Variants in ZFP14 observed in about 807,000 individuals in gnomAD.
ZFP14 encodes zinc finger protein 14 homolog.
ZFP14 carries 22 observed loss-of-function variants against 54.5 expected under a neutral mutation model. That is an observed-to-expected ratio of 0.40 (90% CI 0.29 to 0.58). The LOEUF (loss-of-function observed/expected upper bound fraction) is 0.58. ZFP14 is among the 20% of genes least tolerant of loss of function. The probability of loss-of-function intolerance (pLI) is 0.39; values close to 1 mark genes in which losing one functional copy is unlikely to be tolerated. For synonymous variants in ZFP14, 159 were observed against 204.0 expected (o/e 0.78, Z 1.88); for missense variants, 470 against 637.8 (o/e 0.74, Z 2.83).
At position 36,364,678 on chromosome 19, in the gene ZFP14, A is replaced by G. The variant is rs150157586; in HGVS notation, c.10-2440T>C. Among the ~76,000 whole-genome samples, 1,267 of 152,300 alleles carry G rather than the reference A, an allele frequency of 8.3e-3. 21 individuals are homozygous for G. Among genetic ancestry groups the G allele is most frequent in the African/African-American group, 0.029 (1,199 of 41,562 alleles). The stretch of plus-strand genomic sequence containing the variant: ...AATCCACCTAAAAGCCTTACATAGT[A>G]TAGGGTCTCAACATACATAAAAACT... On this transcript the variant is annotated intron_variant, in intron 2 of 4. Transcript: ENST00000270001.
chr19:36,372,546 T>A (rs2031895547), intron 1 of ZFP14, among the ~76,000 whole-genome samples: 1 of 152,110 alleles, frequency 6.6e-6, no homozygotes, highest in African/African-American at 2.4e-5. Context: ...AAGATTGAAT[T>A]ATGAAGAAAT....
At chr19:36,356,185 A>C (rs2031610552) in intron 4 of ZFP14, among the ~76,000 whole-genome samples, 3 of 151,618 alleles carry the variant, frequency 2.0e-5, no homozygotes, top group Admixed American at 6.6e-5. Context: ...CTCTAATCCT[A>C]GCACTTTGGG....
Position 36,338,637 on chromosome 19 carries a change from C to CA in ZFP14, c.*1586dup, listed in dbSNP as rs2031250623. 6.6e-6 allele frequency: 1 copy of CA among 151,992 alleles called. No homozygotes were observed. Among genetic ancestry groups the CA allele is most frequent in the African/African-American group, 2.4e-5 (1 of 41,394 alleles). 9.4% of individuals were successfully genotyped at this position (151,992 alleles called of 1,614,324 possible). A position where few individuals can be genotyped will look rare whatever the true frequency, so the allele number is the denominator to read the frequency against. On this transcript the variant is annotated 3_prime_UTR_variant, in exon 5 of 5. Coordinates refer to ENST00000270001, the MANE Select transcript of ZFP14 (RefSeq NM_020917.3). ...TGGGGGACAAAGTGACACCCTGTCT[C>CA]AAAAAAATTATACATTGGTGCTCTA...
rs577317515 is a variant in ZFP14 at position 36,334,557 on chromosome 19, G to A, written c.*5667C>T. 200 of 152,090 alleles carry A rather than the reference G, an allele frequency of 1.3e-3. 2 individuals are homozygous for A. The highest frequency in any genetic ancestry group is 4.7e-3 in the African/African-American group (195 of 41,462). 9.4% of individuals were successfully genotyped at this position (152,090 alleles called of 1,614,324 possible). A position where few individuals can be genotyped will look rare whatever the true frequency, so the allele number is the denominator to read the frequency against. On this transcript the variant is annotated 3_prime_UTR_variant, in exon 5 of 5. Transcript: ENST00000270001. ...GTTTAACACAAACATATCAAGGATC[G>A]GGCTGGAATCTTTTCCATTCTATAG...
chr19:36,347,539 G>A (rs1025431734), intron 4 of ZFP14, among the ~76,000 whole-genome samples: 2 of 151,922 alleles, frequency 1.3e-5, no homozygotes, highest in Non-Finnish European at 2.9e-5. Context: ...AACCCAGGAG[G>A]CAGAGGTTGC....
chr19:36,365,725 A>C (rs1331667715), intron 2 of ZFP14, among the ~76,000 whole-genome samples: 1 of 152,138 alleles, frequency 6.6e-6, no homozygotes, highest in Non-Finnish European at 1.5e-5. Context: ...TTGGGAGGCT[A>C]AAGTGGGAGA....
rs546877639 is a variant in ZFP14 at position 36,359,608 on chromosome 19, T to C, written c.235+827A>G. ...TTAAAATTTCATTTAAGTTATCAAA[T>C]TTATTGGCATAAAGTAATTCATGGC... On this transcript the variant is annotated intron_variant, in intron 4 of 4. Transcript: ENST00000270001. Among the ~76,000 whole-genome samples the C allele has an allele frequency of 1.1e-3, 162 of 152,310 alleles. 2 individuals are homozygous for C. Among genetic ancestry groups the C allele is most frequent in the African/African-American group, 3.8e-3 (156 of 41,566 alleles).
Position 36,341,333 on chromosome 19 carries a change from C to T in ZFP14, c.493G>A (p.Val165Ile), listed in dbSNP as rs555415825. Residue 165 changes from valine (V) to isoleucine (I), a missense_variant, in exon 5 of 5, where the codon GTT becomes ATT. Transcript: ENST00000270001. The surrounding 1 kb of genome is among the most constrained non-coding windows in gnomAD (Gnocchi z 4.2). Reference protein sequence around the residue: ...RHNFLTEYQIVHNGEKVYECK... With the variant: ...RHNFLTEYQIIHNGEKVYECK... ...TCATACACCTTTTCTCCATTATGAACGATCTGATACTCAGTAAGAAAATTG... is the reference window on the plus strand; with the variant it reads ...TCATACACCTTTTCTCCATTATGAATGATCTGATACTCAGTAAGAAAATTG... 2.1e-5 allele frequency: 34 copies of T among 1,614,164 alleles called. No homozygotes were observed. The East Asian group carries it at 4.2e-4, about 20-fold the overall frequency.
At chr19:36,359,935 G>A (rs8112508) in intron 4 of ZFP14, among the ~76,000 whole-genome samples, 2,788 of 152,216 alleles carry the variant, frequency 0.018, 53 homozygotes, top group African/African-American at 0.062. Context: ...GATTACCAGA[G>A]TGAGCCACCA....
Position 36,339,971 on chromosome 19 carries a change from C to G in ZFP14, c.*253G>C, listed in dbSNP as rs900337544. ...TTAGTATCTTGTCCAATAAATCAAA[C>G]TGGTAATCAAGTGGAGAAAGGGAGA... On this transcript the variant is annotated 3_prime_UTR_variant, in exon 5 of 5. Transcript: ENST00000270001. 5.8e-6 allele frequency: 2 copies of G among 345,462 alleles called. No homozygotes were observed. The highest frequency in any genetic ancestry group is 4.2e-5 in the African/African-American group (2 of 47,228). 21.4% of individuals were successfully genotyped at this position (345,462 alleles called of 1,614,324 possible).
chr19:36,361,982 C>A (rs1450552110), intron 3 of ZFP14, 130 bp downstream of exon 3: 1 of 1,081,784 alleles, frequency 9.2e-7, no homozygotes, highest in Non-Finnish European at 1.3e-6. Context: ...AATGGAGAGG[C>A]CTAGTTCCAA....
In ZFP14 at chr19:36,336,491, G is replaced by A. The variant is rs1189760082; in HGVS notation, c.*3733C>T. 1 of 151,988 alleles carries A rather than the reference G, an allele frequency of 6.6e-6. No homozygotes were observed. The highest frequency in any genetic ancestry group is 3.1e-3 in the Middle Eastern group (1 of 318). The allele number at this position is 151,988 out of a possible 1,614,324, so 9.4% of individuals were successfully genotyped here. On this transcript the variant is annotated 3_prime_UTR_variant, in exon 5 of 5. Coordinates refer to ENST00000270001, the MANE Select transcript of ZFP14 (RefSeq NM_020917.3). ...CGACCTCAGGTGATCCACCTGCCAT[G>A]GCCTCCCAAAGTGCTGGGATTACAG...
At position 36,353,775 on chromosome 19, in the gene ZFP14, A is replaced by T. The variant is rs2031568339; in HGVS notation, c.235+6660T>A. Reference sequence around the variant, plus strand: ...AGCAGCTTTCTACTACACTTAAAATAAAAAAAAGTCAGATGCAGCTGAGTG... The same window carrying T: ...AGCAGCTTTCTACTACACTTAAAATTAAAAAAAGTCAGATGCAGCTGAGTG... On this transcript the variant is annotated intron_variant, in intron 4 of 4. Transcript: ENST00000270001. Among the ~76,000 whole-genome samples the T allele has an allele frequency of 2.1e-5, 3 of 139,698 alleles. 1 individual carries two copies. The highest frequency in any genetic ancestry group is 2.3e-4 in the South Asian group (1 of 4,378). The allele number at this position is 139,698 out of a possible 152,430, so 91.6% of individuals were successfully genotyped here.
Position 36,367,923 on chromosome 19 carries a change from T to C in ZFP14, c.-31A>G, listed in dbSNP as rs1250351780. Reference sequence around the variant, plus strand: ...TAGAACTGCAAAAACTGGTCAGTCCTTTTCAAGATTTCTCTGTTGGAGAAC... The same window carrying C: ...TAGAACTGCAAAAACTGGTCAGTCCCTTTCAAGATTTCTCTGTTGGAGAAC... On this transcript the variant is annotated 5_prime_UTR_variant, in exon 2 of 5. Coordinates refer to ENST00000270001, the MANE Select transcript of ZFP14 (RefSeq NM_020917.3). The C allele has an allele frequency of 6.2e-7, 1 of 1,602,568 alleles. No individual in the cohort carries two copies. The highest frequency in any genetic ancestry group is 8.5e-7 in the Non-Finnish European group (1 of 1,173,638).
chr19:36,344,759 T>C (rs2031383846), intron 4 of ZFP14, among the ~76,000 whole-genome samples: 1 of 152,176 alleles, frequency 6.6e-6, no homozygotes, highest in South Asian at 2.1e-4. Context: ...ACACTCCTTA[T>C]GAGAATCTAC....
chr19:36,337,945 ATCC>A lies in ZFP14; in HGVS notation c.*2276_*2278del, dbSNP rs1249674799. 1.3e-5 allele frequency: 2 copies of A among 152,178 alleles called. No individual in the cohort carries two copies. Among genetic ancestry groups the A allele is most frequent in the Non-Finnish European group, 2.9e-5 (2 of 68,028 alleles). The allele number at this position is 152,178 out of a possible 1,614,324, so 9.4% of individuals were successfully genotyped here. ...GGTCTAGAAAATGGTGATTTTTCTA[ATCC>A]TCTAATTCCTTCTAGATTTATTAGA... On this transcript the variant is annotated 3_prime_UTR_variant, in exon 5 of 5. Transcript: ENST00000270001.
At chr19:36,372,696 C>A (rs2031898032) in intron 1 of ZFP14, among the ~76,000 whole-genome samples, 1 of 152,174 alleles carries the variant, frequency 6.6e-6, no homozygotes, top group South Asian at 2.1e-4. Flanking sequence ...AATCACACTA[C>A]TGTATATATC....
Position 36,341,659 on chromosome 19 carries a change from A to G in ZFP14, c.236-69T>C, listed in dbSNP as rs2145539495. On this transcript the variant is annotated intron_variant, in intron 4 of 4. Transcript: ENST00000270001. This position sits in a 1 kb window ranked among gnomAD's most constrained non-coding sequence, Gnocchi z 4.2. ...CAGAAAGAAAAAACAAACAAACAAA[A>G]AAACCACTTCTATAGAGAAAAGGCA... 2 of 1,437,968 alleles carry G rather than the reference A, an allele frequency of 1.4e-6. No homozygotes were observed. Among genetic ancestry groups the G allele is most frequent in the African/African-American group, 2.9e-5 (2 of 70,146 alleles). The allele number at this position is 1,437,968 out of a possible 1,614,324, so 89.1% of individuals were successfully genotyped here. A position where few individuals can be genotyped will look rare whatever the true frequency, so the allele number is the denominator to read the frequency against.
In ZFP14 at chr19:36,358,072, CTAT is replaced by C. The variant is rs60436867; in HGVS notation, c.235+2360_235+2362del. 5.3e-3 allele frequency among the ~76,000 whole-genome samples: 775 copies of C among 146,354 alleles called. 8 individuals are homozygous for C. The highest frequency in any genetic ancestry group is 0.019 in the African/African-American group (742 of 39,232). On this transcript the variant is annotated intron_variant, in intron 4 of 4. Coordinates refer to ENST00000270001, the MANE Select transcript of ZFP14 (RefSeq NM_020917.3). ...TCTATCTATCTATCTATCTATCTAT[CTAT>C]CTATCTATCTATCTATCATCTATCT...
Sources: gnomAD v4.1 joint callset for allele counts (sites outside exome capture counted in the v4.1 genomes callset) on GRCh38, gnomAD v4.1.1 for gene constraint, Gnocchi (gnomAD v3.1) non-coding constraint, MANE v1.5 for transcripts, NCBI Gene and HGNC (gene_info 2026-07-23, HGNC 2026-07-21) for gene names.